Variants in IL17RA observed in about 807,000 individuals in gnomAD.
IL17RA encodes interleukin-17 receptor A.
In IL17RA, 34 loss-of-function variants were observed where a neutral mutation model predicts 50.4. The ratio of observed to expected loss-of-function variants is 0.67; its 90% CI spans 0.51 to 0.90. The LOEUF (loss-of-function observed/expected upper bound fraction) is 0.90, where lower values mean the gene tolerates loss of function less well. IL17RA is among the 40% of genes least tolerant of loss of function. The probability of loss-of-function intolerance (pLI) is 0.00; values close to 1 mark genes in which losing one functional copy is unlikely to be tolerated. For missense variants in IL17RA, 1,276 were observed against 1,169.8 expected (o/e 1.09, Z -1.32); for synonymous variants, 585 against 510.4 (o/e 1.15, Z -1.97).
At chr22:17,104,666 G>A in intron 8 of IL17RA, 60 bp from the exon 9 acceptor site, 1 of 1,482,606 alleles carries the variant, frequency 6.7e-7, no homozygotes, top group Non-Finnish European at 9.4e-7. Flanking sequence ...GCCGCTGCTG[G>A]CTGGAAGGCA....
intron 5 of IL17RA, 84 bp from the exon 6 acceptor site, chr22:17,101,912 T>G: frequency 1.9e-6 from 3 of 1,547,524 alleles, no homozygotes; most frequent in Non-Finnish European, 2.7e-6. Context: ...GGGGAAAAGA[T>G]TGTTGTTCTT....
rs774827098 is a variant in IL17RA at position 17,107,787 on chromosome 22, G to A, written c.1087+19G>A. 6.2e-7 allele frequency: 1 copy of A among 1,611,640 alleles called. No homozygotes were observed. Among genetic ancestry groups the A allele is most frequent in the South Asian group, 1.1e-5 (1 of 91,038 alleles). On this transcript the variant is annotated intron_variant, in intron 12 of 12. Coordinates refer to ENST00000319363, the MANE Select transcript of IL17RA (RefSeq NM_014339.7). The stretch of plus-strand genomic sequence containing the variant: ...TACACCGGTCAGTATTTCCTGGTTT[G>A]CATGTTTGCTTATTTTTAAAGCAGT...
rs2061373772 is a variant in IL17RA, at chr22:17,097,850, C to G, written c.217C>G (p.Pro73Ala). The part of the protein sequence containing the change: ...IHPRNLTPSS[P>A]KDLQIQLHFA... ...CCCTCGAAACCTGACCCCCTCCTCC[C>G]CAAAGGACCTGCAGATCCAGCTGCA... The change falls in exon 3 of 13, where the codon CCA (proline) becomes GCA (alanine). Residue 73 changes from proline to alanine, a missense_variant. Pro to Ala is a conservative substitution (Grantham distance 27, BLOSUM62 -1). Coordinates refer to ENST00000319363, the MANE Select transcript of IL17RA (RefSeq NM_014339.7). The G allele has an allele frequency of 6.2e-7, 1 of 1,614,224 alleles. No homozygotes were observed. Among genetic ancestry groups the G allele is most frequent in the Non-Finnish European group, 8.5e-7 (1 of 1,180,046 alleles).
At chr22:17,087,813 T>G (rs1348740577) in intron 1 of IL17RA, among the ~76,000 whole-genome samples, 1 of 152,236 alleles carries the variant, frequency 6.6e-6, no homozygotes, top group African/African-American at 2.4e-5. Flanking sequence ...AGCAGCAACT[T>G]AAGAGTTGGT....
intron 1 of IL17RA, among the ~76,000 whole-genome samples, chr22:17,095,841 A>C (rs1176715297): frequency 2.6e-5 from 4 of 152,158 alleles, no homozygotes; most frequent in Non-Finnish European, 5.9e-5. Context: ...GGGGTCCCAG[A>C]GAAGGAGGGT....
intron 1 of IL17RA, among the ~76,000 whole-genome samples, chr22:17,096,579 A>T (rs1418808408): frequency 6.6e-6 from 1 of 152,072 alleles, no homozygotes; most frequent in African/African-American, 2.4e-5. Context: ...CTCATAAAAT[A>T]CCATTCCTGT....
Position 17,109,306 on chromosome 22 carries a change from T to G in IL17RA, c.2087T>G (p.Leu696Arg), listed in dbSNP as rs753376068. The stretch of plus-strand genomic sequence containing the variant: ...GACGGTGCCGCAGTCCGGCTGGCAC[T>G]GGCGGGGGAGGGCGAGGCCTGCCCG... ...LADGAAVRLALAGEGEACPLL... is the reference protein window; with the variant it reads ...LADGAAVRLARAGEGEACPLL... The change falls in exon 13 of 13, where the codon CTG (leucine) becomes CGG (arginine). Residue 696 changes from leucine to arginine, a missense_variant. By Grantham distance (102) the Leu-to-Arg change is moderately radical. Coordinates refer to ENST00000319363, the MANE Select transcript of IL17RA (RefSeq NM_014339.7). 1.2e-5 allele frequency: 18 copies of G among 1,531,468 alleles called. No individual in the cohort carries two copies. In the African/African-American group the frequency reaches 2.5e-4, roughly 21 times the overall value. 94.9% of individuals were successfully genotyped at this position (1,531,468 alleles called of 1,614,324 possible).
intron 8 of IL17RA, 123 bp downstream of exon 8, chr22:17,103,700 TG>T (rs2061400420): frequency 2.6e-6 from 2 of 768,986 alleles, no homozygotes; most frequent in African/African-American, 1.9e-5. Context: ...TGTGCACAGG[TG>T]GAGAGAGTGG....
intron 1 of IL17RA, 49 bp downstream of exon 1, chr22:17,085,278 G>C: frequency 6.5e-7 from 1 of 1,532,484 alleles, no homozygotes; most frequent in African/African-American, 1.4e-5. Context: ...TGCGGACGCG[G>C]GGCAAGGTCG....
intron 1 of IL17RA, among the ~76,000 whole-genome samples, chr22:17,095,187 T>G (rs1601339409): frequency 6.6e-6 from 1 of 152,216 alleles, no homozygotes; most frequent in Admixed American, 6.5e-5. Context: ...AATCTAGTGG[T>G]GCATTAACAA....
intron 3 of IL17RA, 81 bp downstream of exon 3, chr22:17,098,024 C>A: frequency 1.3e-6 from 2 of 1,549,840 alleles, no homozygotes; most frequent in South Asian, 1.1e-5. Flanking sequence ...GGATTGGGCT[C>A]CCAGTCCTGT....
intron 1 of IL17RA, among the ~76,000 whole-genome samples, chr22:17,092,999 C>A (rs866505717): frequency 2.1e-4 from 32 of 152,172 alleles, no homozygotes; most frequent in African/African-American, 6.5e-4. Context: ...CCCTGTCTTA[C>A]AGATGCAGTG....
chr22:17,088,309 C>CTTATTTATTTAT (rs567630756), intron 1 of IL17RA, among the ~76,000 whole-genome samples: 3 of 151,904 alleles, frequency 2.0e-5, no homozygotes, highest in African/African-American at 7.3e-5. Context: ...GGAGGTATCC[C>CTTATTTATTTAT]TTATTTATTT....
In IL17RA at chr22:17,115,635, TG is replaced by T. The variant is rs1196887292; in HGVS notation, c.*5816del. Reference sequence around the variant, plus strand: ...TTTGTTTATTTTGGTGCAGGCCCAGTGTTCTTGCTTAGACTTAATACTACCC... The same window carrying T: ...TTTGTTTATTTTGGTGCAGGCCCAGTTTCTTGCTTAGACTTAATACTACCC... On this transcript the variant is annotated 3_prime_UTR_variant, in exon 13 of 13. Transcript: ENST00000319363. 1.3e-5 allele frequency: 2 copies of T among 152,088 alleles called. No homozygotes were observed. The highest frequency in any genetic ancestry group is 1.9e-4 in the East Asian group (1 of 5,202). The allele number at this position is 152,088 out of a possible 1,614,324, so 9.4% of individuals were successfully genotyped here. A position where few individuals can be genotyped will look rare whatever the true frequency, so the allele number is the denominator to read the frequency against.
rs896285374 is a variant in IL17RA, at chr22:17,085,166, G to A, written c.75G>A (p.Val25=). ...GGCTGCTCCTGCTGCTCCTGGGCGT[G>A]CTGGCCCCGGGTGGCGCCTCCCTGC... The part of the protein sequence containing the change: ...LLGLLLLLLG[V]LAPGGASLRL... The change falls in exon 1 of 13, where the codon GTG becomes GTA. Residue 25 remains valine (V), a synonymous_variant. Transcript: ENST00000319363. 5.9e-6 allele frequency: 9 copies of A among 1,523,110 alleles called. No homozygotes were observed. The African/African-American group carries it at 1.1e-4, about 19-fold the overall frequency. 94.3% of individuals were successfully genotyped at this position (1,523,110 alleles called of 1,614,324 possible). A position where few individuals can be genotyped will look rare whatever the true frequency, so the allele number is the denominator to read the frequency against.
At position 17,111,185 on chromosome 22, in the gene IL17RA, G is replaced by A. The variant is rs2061441281; in HGVS notation, c.*1365G>A. The A allele has an allele frequency of 6.6e-6, 1 of 152,286 alleles. No individual in the cohort carries two copies. Among genetic ancestry groups the A allele is most frequent in the African/African-American group, 2.4e-5 (1 of 41,454 alleles). The allele number at this position is 152,286 out of a possible 1,614,324, so 9.4% of individuals were successfully genotyped here. A position where few individuals can be genotyped will look rare whatever the true frequency, so the allele number is the denominator to read the frequency against. ...CTGATGAGCCTCTGCATGGAGAGAG[G>A]CTGAGGGCTAAACACAGCTGGATGT... On this transcript the variant is annotated 3_prime_UTR_variant, in exon 13 of 13. Transcript: ENST00000319363.
Position 17,105,895 on chromosome 22 carries a change from C to T in IL17RA, c.986C>T (p.Ser329Phe). The T allele has an allele frequency of 1.9e-6, 3 of 1,614,192 alleles. No homozygotes were observed. The East Asian group carries it at 6.7e-5, about 36-fold the overall frequency. ...GTGTACTGGTTCATCACGGGCATCT[C>T]CATCCTGCTGGTGGGCTCCGTCATC... ...LWVYWFITGI[S>F]ILLVGSVILL... The change falls in exon 11 of 13, where the codon TCC becomes TTC. Residue 329 changes from serine to phenylalanine, a missense_variant. Ser to Phe is a radical substitution (Grantham distance 155). Coordinates refer to ENST00000319363, the MANE Select transcript of IL17RA (RefSeq NM_014339.7).
At position 17,102,026 on chromosome 22, in the gene IL17RA, C is replaced by T. The variant is rs151220068; in HGVS notation, c.581C>T (p.Thr194Met). ...GAGCACGCCAGGATGAAGGTAACCA[C>T]GCCATGCATGAGCTCAGGTAACAGC... ...DCEHARMKVTTPCMSSGSLWD... is the reference protein window; with the variant it reads ...DCEHARMKVTMPCMSSGSLWD... The change falls in exon 6 of 13, where the codon ACG (threonine) becomes ATG (methionine). Residue 194 changes from threonine to methionine, a missense_variant. Thr to Met is a moderately conservative substitution (Grantham distance 81). Coordinates refer to ENST00000319363, the MANE Select transcript of IL17RA (RefSeq NM_014339.7). 139 of 1,614,094 alleles carry T rather than the reference C, an allele frequency of 8.6e-5. No individual in the cohort carries two copies. The highest frequency in any genetic ancestry group is 9.4e-5 in the Non-Finnish European group (111 of 1,180,048).
chr22:17,099,981 G>C (rs888877814), intron 4 of IL17RA, among the ~76,000 whole-genome samples: 1 of 152,088 alleles, frequency 6.6e-6, no homozygotes, highest in Non-Finnish European at 1.5e-5. Flanking sequence ...TACCTGCCTG[G>C]CGTGTGCCAG....
Sources: allele counts gnomAD v4.1 joint callset (sites outside exome capture counted in the v4.1 genomes callset), GRCh38; gene constraint gnomAD v4.1.1; transcripts MANE v1.5; gene names NCBI Gene and HGNC (gene_info 2026-07-23, HGNC 2026-07-21).